The following DIP2C variants were observed in gnomAD, a reference collection of about 807,000 sequenced individuals.
The protein encoded by DIP2C is DIP2 acetate--CoA ligase C (putative).
DIP2C carries 33 observed loss-of-function variants against 192.4 expected under a neutral mutation model. The ratio of observed to expected loss-of-function variants is 0.17; its 90% CI spans 0.13 to 0.23. The LOEUF (loss-of-function observed/expected upper bound fraction) is 0.23, where lower values mean the gene tolerates loss of function less well. Ranked by LOEUF, DIP2C falls within the 10% of genes least tolerant of loss-of-function variation. The pLI is 1.00. For missense variants in DIP2C, 1,537 were observed against 2,110.1 expected, an observed-to-expected ratio of 0.73 and a Z score of 5.32; for synonymous variants, 979 against 864.1, an observed-to-expected ratio of 1.13 and a Z score of -2.33.
chr10:541,473 C>T (rs1385622762), intron 1 of DIP2C, among the ~76,000 whole-genome samples: 1 of 145,656 alleles, frequency 6.9e-6, no homozygotes, highest in Non-Finnish European at 1.5e-5. Context: ...AGTGACCCTC[C>T]ACCCCCATAT....
In DIP2C at chr10:286,261, CACTCA is replaced by C. The variant is rs771973270; in HGVS notation, c.4119+7_4119+11del. ...GAAAAGTAACCTGGATCTCGGAGGA[CACTCA>C]ACTCACCTCTCCAAGGTGTGAGTCC... On this transcript the variant is annotated splice_region_variant and intron_variant, in intron 34 of 36. Coordinates refer to ENST00000280886, the MANE Select transcript of DIP2C (RefSeq NM_014974.3). The C allele has an allele frequency of 4.3e-6, 7 of 1,613,778 alleles. No homozygotes were observed. The Admixed American group carries it at 6.7e-5, about 15-fold the overall frequency.
intron 1 of DIP2C, among the ~76,000 whole-genome samples, chr10:565,906 C>T (rs1366038066): frequency 1.3e-5 from 2 of 152,172 alleles, no homozygotes; most frequent in East Asian, 1.9e-4. Context: ...GCAGGCAGGG[C>T]CATGTGGGCT....
intron 18 of DIP2C, among the ~76,000 whole-genome samples, chr10:368,214 G>A (rs1174711075): frequency 1.4e-5 from 2 of 147,656 alleles, no homozygotes; most frequent in African/African-American, 5.0e-5. Context: ...ACGGGGGCCC[G>A]GGAAGCCCGC....
intron 1 of DIP2C, among the ~76,000 whole-genome samples, chr10:634,887 T>C (rs751936468): frequency 3.3e-5 from 5 of 152,218 alleles, no homozygotes; most frequent in Non-Finnish European, 7.3e-5. Flanking sequence ...CAACATTCTG[T>C]CCTCACCGAT....
In DIP2C at chr10:408,998, A is replaced by G. The variant is rs754820538; in HGVS notation, c.1077T>C (p.Ser359=). Residue 359 remains serine (S), a synonymous_variant, in exon 9 of 37, where the codon AGT becomes AGC. Transcript: ENST00000280886. ...ILTYGKLWTR[S]MKVAYSILHK... is the part of the protein sequence containing the mutation. ...GTAGAATGCTGTAAGCGACCTTCAT[A>G]CTTCTTGTCCACAGCTTGCCTATGA... 1.2e-6 allele frequency: 2 copies of G among 1,614,130 alleles called. No individual in the cohort carries two copies. Among genetic ancestry groups the G allele is most frequent in the Non-Finnish European group, 8.5e-7 (1 of 1,180,022 alleles).
intron 1 of DIP2C, among the ~76,000 whole-genome samples, chr10:564,451 A>T (rs901400924): frequency 6.6e-6 from 1 of 152,104 alleles, no homozygotes; most frequent in Admixed American, 6.5e-5. Flanking sequence ...ATTGTTCCAC[A>T]TATTTTCTCC....
At position 578,887 on chromosome 10, in the gene DIP2C, A is replaced by T. The variant is rs1050117813; in HGVS notation, c.86-92357T>A. 2.0e-5 allele frequency among the ~76,000 whole-genome samples: 3 copies of T among 152,062 alleles called. No homozygotes were observed. In the East Asian group the frequency reaches 5.8e-4, roughly 29 times the overall value. On this transcript the variant is annotated intron_variant, in intron 1 of 36. Transcript: ENST00000280886. ...CACTAACACACATGTACGTGCATAG[A>T]GCATACACACATCCAGATCCACAGT...
chr10:475,194 G>A (rs1438044371), intron 2 of DIP2C, among the ~76,000 whole-genome samples: 1 of 152,124 alleles, frequency 6.6e-6, no homozygotes, highest in Non-Finnish European at 1.5e-5. Flanking sequence ...GCGGCCGCCT[G>A]CTTCCTGGAC....
At chr10:393,154 A>T (rs899966719) in intron 10 of DIP2C, among the ~76,000 whole-genome samples, 1 of 152,200 alleles carries the variant, frequency 6.6e-6, no homozygotes, top group Non-Finnish European at 1.5e-5. Flanking sequence ...ACATCTCAGG[A>T]AAGTGAATAA....
chr10:496,716 G>C (rs971095799), intron 1 of DIP2C, among the ~76,000 whole-genome samples: 2 of 150,294 alleles, frequency 1.3e-5, no homozygotes, highest in African/African-American at 4.9e-5. Context: ...TGTGAGTGCT[G>C]AGTGCATAGA....
chr10:323,796 T>C (rs890006165), intron 31 of DIP2C, among the ~76,000 whole-genome samples: 1 of 152,196 alleles, frequency 6.6e-6, no homozygotes, highest in Non-Finnish European at 1.5e-5. Flanking sequence ...TTATTAGGAC[T>C]CATGAGCAGT....
At chr10:437,527 TG>T (rs1213755139) in intron 4 of DIP2C, 1 of 152,302 alleles carries the variant, frequency 6.6e-6, no homozygotes, top group African/African-American at 2.4e-5. Flanking sequence ...AGAGGGCAAA[TG>T]TACTGTCTGT....
At chr10:319,482 C>T (rs1461769806) in intron 31 of DIP2C, among the ~76,000 whole-genome samples, 2 of 152,142 alleles carry the variant, frequency 1.3e-5, no homozygotes, top group African/African-American at 4.8e-5. Context: ...TTCTTCCCTG[C>T]TTCTACTAGA....
intron 1 of DIP2C, chr10:650,970 G>A (rs527639031): frequency 5.0e-5 from 36 of 717,396 alleles, no homozygotes; most frequent in African/African-American, 2.1e-4. Context: ...TTCCAAAGCC[G>A]GCACTGCCCT....
chr10:679,741 CTG>C (rs1831063829), intron 1 of DIP2C, among the ~76,000 whole-genome samples: 1 of 151,012 alleles, frequency 6.6e-6, no homozygotes, highest in South Asian at 2.1e-4. Context: ...CCACGCCCAT[CTG>C]TGCTCCCCAT....
intron 32 of DIP2C, among the ~76,000 whole-genome samples, chr10:294,220 A>G (rs2132222146): frequency 6.6e-6 from 1 of 152,212 alleles, no homozygotes; most frequent in Admixed American, 6.5e-5. Context: ...ATCTTCTTCC[A>G]AGGCCAGATG....
At chr10:686,246 A>G (rs1588771381) in intron 1 of DIP2C, among the ~76,000 whole-genome samples, 1 of 152,002 alleles carries the variant, frequency 6.6e-6, no homozygotes, top group African/African-American at 2.4e-5. Context: ...AGGCCTCCCC[A>G]CCCTCATGGC....
At position 544,209 on chromosome 10, in the gene DIP2C, T is replaced by G. The variant is rs533634764; in HGVS notation, c.86-57679A>C. Among the ~76,000 whole-genome samples, 3 of 152,194 alleles carry G rather than the reference T, an allele frequency of 2.0e-5. No homozygotes were observed. In the East Asian group the frequency reaches 5.8e-4, roughly 29 times the overall value. ...CAAGGTGAGTGGAATTGCACAGTGC[T>G]TGACCTTTGGTGTGACCTTTGGTGC... is the stretch of plus-strand genomic sequence containing the variant. On this transcript the variant is annotated intron_variant, in intron 1 of 36. Transcript: ENST00000280886.
rs199996951 is a variant in DIP2C, at chr10:580,215, GTATA to G, written c.86-93689_86-93686del. On this transcript the variant is annotated intron_variant, in intron 1 of 36. Transcript: ENST00000280886. ...GTATACATATGCACATATATATAAT[GTATA>G]TATGTCAGTACACTAACATATACAT... 4.5e-3 allele frequency among the ~76,000 whole-genome samples: 685 copies of G among 151,950 alleles called. 19 individuals carry two copies. The highest frequency in any genetic ancestry group is 0.041 in the Admixed American group (631 of 15,260).
Sources: allele counts gnomAD v4.1 joint callset (sites outside exome capture counted in the v4.1 genomes callset), GRCh38; gene constraint gnomAD v4.1.1; transcripts MANE v1.5; gene names NCBI Gene and HGNC (gene_info 2026-07-23, HGNC 2026-07-21).